The following RBM26 variants were observed in gnomAD, a reference collection of about 807,000 sequenced individuals.
The protein encoded by RBM26 is RNA-binding protein 26.
A neutral mutation model predicts 123.6 loss-of-function variants in RBM26; 30 were observed. The observed-to-expected ratio is 0.24, with a 90% CI of 0.18 to 0.33. RBM26 has a LOEUF of 0.33. Ranked by LOEUF, RBM26 falls within the 10% of genes least tolerant of loss-of-function variation. RBM26 has a pLI of 1.00. For missense variants in RBM26, 947 were observed against 1,203.6 expected (o/e 0.79, Z 3.15); for synonymous variants, 400 against 404.4 (o/e 0.99, Z 0.13).
chr13:79,320,491 G>A lies in RBM26; in HGVS notation c.*130C>T. The A allele has an allele frequency of 7.9e-7, 1 of 1,263,594 alleles. No homozygotes were observed. The highest frequency in any genetic ancestry group is 1.0e-6 in the Non-Finnish European group (1 of 999,700). 78.3% of individuals were successfully genotyped at this position (1,263,594 alleles called of 1,614,324 possible). A position where few individuals can be genotyped will look rare whatever the true frequency, so the allele number is the denominator to read the frequency against. On this transcript the variant is annotated 3_prime_UTR_variant, in exon 22 of 22. Coordinates refer to ENST00000438737, the MANE Select transcript of RBM26 (RefSeq NM_001366735.2). Reference sequence around the variant, plus strand: ...TCAGAAGGTAGTTTTCTTCTTTTTTGTCTATTTGTGAAATCCATCTTCATC... The same window carrying A: ...TCAGAAGGTAGTTTTCTTCTTTTTTATCTATTTGTGAAATCCATCTTCATC...
chr13:79,349,315 A>G (rs1483072276), intron 14 of RBM26, among the ~76,000 whole-genome samples: 3 of 152,310 alleles, frequency 2.0e-5, no homozygotes, highest in East Asian at 3.9e-4. Context: ...GAAGTTTTAT[A>G]TCTTTTGACC....
intron 1 of RBM26, among the ~76,000 whole-genome samples, chr13:79,392,892 GA>G (rs1367986613): frequency 6.6e-6 from 1 of 152,028 alleles, no homozygotes; most frequent in Non-Finnish European, 1.5e-5. Flanking sequence ...ATTCCTGGTG[GA>G]AAGTCAGGAA....
chr13:79,358,415 T>C lies in RBM26; in HGVS notation c.1548A>G (p.Thr516=). The C allele has an allele frequency of 6.2e-7, 1 of 1,609,428 alleles. No homozygotes were observed. ...TWFDKPNFNR[T]NSPGFQKKVQ... is the part of the protein sequence containing the mutation. ...CCTTCTTCTGAAAGCCTGGGCTGTTTGTTCTATTAAAATTTGGTCTGCAAA... is the reference window on the plus strand; with the variant it reads ...CCTTCTTCTGAAAGCCTGGGCTGTTCGTTCTATTAAAATTTGGTCTGCAAA... Residue 516 remains threonine (T), a synonymous_variant, in exon 11 of 22, where the codon ACA becomes ACG. Coordinates refer to ENST00000438737, the MANE Select transcript of RBM26 (RefSeq NM_001366735.2).
chr13:79,396,512 T>C (rs9530915), intron 1 of RBM26, among the ~76,000 whole-genome samples: 76,713 of 151,902 alleles, frequency 0.51, 19,770 homozygotes, highest in Middle Eastern at 0.6. Context: ...CAGAAAAATC[T>C]TTGAATATCA....
chr13:79,328,855 ATTT>A (rs1485219202), intron 20 of RBM26, among the ~76,000 whole-genome samples: 2 of 151,966 alleles, frequency 1.3e-5, no homozygotes, highest in African/African-American at 4.8e-5. Flanking sequence ...ATGAGTTTCT[ATTT>A]CAGTTTGATA....
intron 1 of RBM26, among the ~76,000 whole-genome samples, chr13:79,394,174 A>G (rs1366101132): frequency 6.6e-6 from 1 of 152,168 alleles, no homozygotes; most frequent in Non-Finnish European, 1.5e-5. Flanking sequence ...GGGGACAAAC[A>G]CTAACTGGAA....
intron 20 of RBM26, among the ~76,000 whole-genome samples, chr13:79,333,746 T>C (rs1480246380): frequency 6.6e-6 from 1 of 152,162 alleles, no homozygotes; most frequent in East Asian, 1.9e-4. Flanking sequence ...GTTGCAGATA[T>C]TCCGGTCAGT....
rs2067405264 is a variant in RBM26 at position 79,319,097 on chromosome 13, T to C, written c.*1524A>G. ...GGCAAAGCATTTCTATGAAATAGTG[T>C]TACCATCAAGAAAATACACACAACT... On this transcript the variant is annotated 3_prime_UTR_variant, in exon 22 of 22. Coordinates refer to ENST00000438737, the MANE Select transcript of RBM26 (RefSeq NM_001366735.2). 1 of 984,318 alleles carries C rather than the reference T, an allele frequency of 1.0e-6. No individual in the cohort carries two copies. The allele number at this position is 984,318 out of a possible 1,614,324, so 61.0% of individuals were successfully genotyped here.
rs1049592874 is a variant in RBM26, at chr13:79,392,546, C to T, written c.71+13158G>A. Among the ~76,000 whole-genome samples the T allele has an allele frequency of 6.2e-5, 9 of 145,778 alleles. No individual in the cohort carries two copies. In the Admixed American group the frequency reaches 6.2e-4, roughly 10 times the overall value. On this transcript the variant is annotated intron_variant, in intron 1 of 21. Transcript: ENST00000438737. Reference sequence around the variant, plus strand: ...TTATATGTTATATATTATATATAAACATAATTAATATGTAAAATATGTTAT... The same window carrying T: ...TTATATGTTATATATTATATATAAATATAATTAATATGTAAAATATGTTAT...
At chr13:79,404,592 G>C (rs1282096260) in intron 1 of RBM26, among the ~76,000 whole-genome samples, 1 of 152,124 alleles carries the variant, frequency 6.6e-6, no homozygotes, top group African/African-American at 2.4e-5. Flanking sequence ...AGCCACAGTG[G>C]CCTTTCTCTT....
intron 6 of RBM26, among the ~76,000 whole-genome samples, chr13:79,368,101 C>A (rs1265080718): frequency 6.6e-6 from 1 of 151,382 alleles, no homozygotes; most frequent in Non-Finnish European, 1.5e-5. Context: ...TCTTGGCTTA[C>A]TGCAAGCTCC....
intron 10 of RBM26, 116 bp from the exon 11 acceptor site, chr13:79,358,549 G>T: frequency 1.3e-6 from 1 of 784,058 alleles, no homozygotes; most frequent in Non-Finnish European, 2.0e-6. Context: ...CCCCCAAACT[G>T]AAATTACTGG....
chr13:79,373,265 A>T (rs868726070), intron 3 of RBM26, among the ~76,000 whole-genome samples: 1 of 106,268 alleles, frequency 9.4e-6, no homozygotes, highest in African/African-American at 3.8e-5. Flanking sequence ...TGACTTGGTG[A>T]GTTCTAATGT....
chr13:79,360,299 A>G (rs944310709), intron 9 of RBM26, among the ~76,000 whole-genome samples: 1 of 152,110 alleles, frequency 6.6e-6, no homozygotes, highest in Non-Finnish European at 1.5e-5. Context: ...CCCACAGACA[A>G]AGGGGAATTA....
At position 79,365,652 on chromosome 13, in the gene RBM26, T is replaced by C. The variant is rs765151510; in HGVS notation, c.1343A>G (p.Tyr448Cys). The change falls in exon 9 of 22, where the codon TAT (tyrosine) becomes TGT (cysteine). Residue 448 changes from tyrosine (Y) to cysteine (C), a missense_variant. This residue lies in a region of RBM26 where 493 missense variants were observed against 563.1 expected (regional missense o/e 0.88). Transcript: ENST00000438737. ...PSITNTSRPM[Y>C]RHRVHAQRPN... Reference sequence around the variant, plus strand: ...CCTTTGTGCATGCACTCTGTGTCTATACATAGGTCTGGAAGTGTTTGTTAT... The same window carrying C: ...CCTTTGTGCATGCACTCTGTGTCTACACATAGGTCTGGAAGTGTTTGTTAT... 9 of 1,613,916 alleles carry C rather than the reference T, an allele frequency of 5.6e-6. No individual in the cohort carries two copies. The highest frequency in any genetic ancestry group is 2.2e-5 in the East Asian group (1 of 44,872).
At chr13:79,344,494 C>T (rs1457301927) in intron 15 of RBM26, among the ~76,000 whole-genome samples, 172 bp from the exon 16 acceptor site, 2 of 152,048 alleles carry the variant, frequency 1.3e-5, no homozygotes, top group African/African-American at 4.8e-5. Context: ...ATCACAGGAA[C>T]CTTTCTTTCA....
intron 18 of RBM26, among the ~76,000 whole-genome samples, chr13:79,337,691 G>C (rs1207845775): frequency 6.6e-6 from 1 of 152,156 alleles, no homozygotes; most frequent in Non-Finnish European, 1.5e-5. Flanking sequence ...TTCCAGTTAT[G>C]ATTTTCTATT....
chr13:79,386,548 G>A (rs1033135295), intron 1 of RBM26, among the ~76,000 whole-genome samples: 4 of 126,924 alleles, frequency 3.2e-5, no homozygotes, highest in African/African-American at 8.6e-5. Context: ...AGATAGTTGT[G>A]GTTATAATTA....
intron 18 of RBM26, among the ~76,000 whole-genome samples, chr13:79,337,861 A>G (rs2070709482): frequency 6.6e-6 from 1 of 152,182 alleles, no homozygotes; most frequent in Non-Finnish European, 1.5e-5. Flanking sequence ...CTTAATGTGC[A>G]CTTTCTGTGT....
Sources: allele counts gnomAD v4.1 joint callset (sites outside exome capture counted in the v4.1 genomes callset), GRCh38; gene constraint gnomAD v4.1.1; regional missense constraint gnomAD v4.1.1; transcripts MANE v1.5; gene names NCBI Gene and HGNC (gene_info 2026-07-23, HGNC 2026-07-21).